The following ARMC2 variants were observed in gnomAD, a reference collection of about 807,000 sequenced individuals.
ARMC2 encodes armadillo repeat containing 2, also known as armadillo repeat-containing protein 2.
In ARMC2, 67 loss-of-function variants were observed where a neutral mutation model predicts 90.3. The ratio of observed to expected loss-of-function variants is 0.74; its 90% confidence interval spans 0.61 to 0.91. The LOEUF is 0.91. Ranked by LOEUF, ARMC2 falls within the 40% of genes least tolerant of loss-of-function variation. The pLI, the probability that ARMC2 is intolerant of heterozygous loss-of-function variation, is 0.00. For synonymous variants in ARMC2, 393 were observed against 393.0 expected, an observed-to-expected ratio of 1.00 and a Z score of 0.00; for missense variants, 920 against 1,030.9, an observed-to-expected ratio of 0.89 and a Z score of 1.47.
In ARMC2 at chr6:108,912,372, A is replaced by G. The variant is rs776137771; in HGVS notation, c.1164A>G (p.Gln388=). 70 of 1,611,470 alleles carry G rather than the reference A, an allele frequency of 4.3e-5. No individual in the cohort carries two copies. Among genetic ancestry groups the G allele is most frequent in the Admixed American group, 1.0e-4 (6 of 59,634 alleles). The part of the protein sequence containing the change: ...LLEVLRSEDL[Q]TNMEAFLYCM... ...AGGTACTAAGAAGTGAAGACCTGCAAACTAACATGGAAGCTTTTTTATACT... is the reference window on the plus strand; with the variant it reads ...AGGTACTAAGAAGTGAAGACCTGCAGACTAACATGGAAGCTTTTTTATACT... Residue 388 remains glutamine, a synonymous_variant, in exon 10 of 18, where the codon CAA becomes CAG. Coordinates refer to ENST00000392644, the MANE Select transcript of ARMC2 (RefSeq NM_032131.6).
At chr6:108,948,529 G>T (rs1479851566) in intron 12 of ARMC2, among the ~76,000 whole-genome samples, 1 of 150,984 alleles carries the variant, frequency 6.6e-6, no homozygotes, top group Non-Finnish European at 1.5e-5. Flanking sequence ...TGGTGCTGCA[G>T]ACGGCGCAAT....
At chr6:108,866,950 T>C (rs1056632296) in intron 3 of ARMC2, among the ~76,000 whole-genome samples, 1 of 152,104 alleles carries the variant, frequency 6.6e-6, no homozygotes, top group African/African-American at 2.4e-5. Context: ...GTTCTATTCA[T>C]GTATGTGGGA....
chr6:108,946,997 G>A (rs567716087), intron 12 of ARMC2, among the ~76,000 whole-genome samples: 2 of 152,184 alleles, frequency 1.3e-5, no homozygotes, highest in Non-Finnish European at 2.9e-5. Context: ...TTAGATGCTG[G>A]CTTTGACATT....
chr6:109,013,520 A>C, the ARMC2 span, among the ~76,000 whole-genome samples: 134 of 152,326 alleles, frequency 8.8e-4, no homozygotes, highest in Non-Finnish European at 1.5e-3. Context: ...TAAAAAGTAT[A>C]ATCAATTCAT....
rs201018556 is a variant in ARMC2 at position 108,886,761 on chromosome 6, CA to C, written c.672-7703del. 9.7e-3 allele frequency among the ~76,000 whole-genome samples: 1,474 copies of C among 152,180 alleles called. 18 individuals carry two copies. Among genetic ancestry groups the C allele is most frequent in the African/African-American group, 0.031 (1,294 of 41,490 alleles). ...TACCTGGATTTTCCCACTTGGCCCA[CA>C]AAGTGTGCAATATATATTATCTAGC... On this transcript the variant is annotated intron_variant, in intron 5 of 17. Transcript: ENST00000392644.
the ARMC2 span, among the ~76,000 whole-genome samples, chr6:109,020,923 A>G: frequency 2.6e-5 from 4 of 152,184 alleles, no homozygotes; most frequent in African/African-American, 4.8e-5. Context: ...GTAGTTCCCT[A>G]AAAAAGGAAT....
intron 8 of ARMC2, among the ~76,000 whole-genome samples, chr6:108,906,914 AAAAT>A (rs1318159876): frequency 6.6e-6 from 1 of 152,248 alleles, no homozygotes; most frequent in Non-Finnish European, 1.5e-5. Context: ...CTAAGGGAGA[AAAAT>A]AAAGCAGAGC....
At chr6:108,929,203 C>T (rs1430008758) in intron 11 of ARMC2, among the ~76,000 whole-genome samples, 5 of 151,962 alleles carry the variant, frequency 3.3e-5, no homozygotes, top group Non-Finnish European at 5.9e-5. Flanking sequence ...CTAATTACTA[C>T]CTATCTAATG....
At chr6:108,974,639 CCTCAT>C (rs1459867181), downstream of ARMC2, among the ~76,000 whole-genome samples, 2 of 151,754 alleles carry the variant, frequency 1.3e-5, no homozygotes, top group East Asian at 3.9e-4. Flanking sequence ...CAAAGTGAGA[CCTCAT>C]CTCAACAACA....
At chr6:108,985,908 T>C in the ARMC2 span, among the ~76,000 whole-genome samples, 2 of 152,206 alleles carry the variant, frequency 1.3e-5, no homozygotes, top group African/African-American at 4.8e-5. Context: ...ACTCTATTCC[T>C]AGCTAAGGTT....
the ARMC2 span, among the ~76,000 whole-genome samples, chr6:109,025,303 C>A: frequency 6.6e-6 from 1 of 151,842 alleles, no homozygotes; most frequent in African/African-American, 2.4e-5. Flanking sequence ...TCCCTTATTA[C>A]CTACCTGCTC....
chr6:108,859,710 T>G (rs1775014110), intron 3 of ARMC2, among the ~76,000 whole-genome samples: 2 of 152,176 alleles, frequency 1.3e-5, no homozygotes, highest in African/African-American at 4.8e-5. Flanking sequence ...ATTATTCAGA[T>G]GTAGGACTTC....
intron 8 of ARMC2, among the ~76,000 whole-genome samples, chr6:108,908,137 C>CT (rs1349291408): frequency 2.6e-5 from 3 of 117,170 alleles, no homozygotes; most frequent in Admixed American, 1.7e-4. Flanking sequence ...GTCGGTAGTG[C>CT]TGGGGGGGGC....
chr6:108,985,291 CA>C, the ARMC2 span, among the ~76,000 whole-genome samples: 15,245 of 152,100 alleles, frequency 0.1, 901 homozygotes, highest in Middle Eastern at 0.19. Context: ...CAAAACAACT[CA>C]AGATTTTAAC....
the ARMC2 span, among the ~76,000 whole-genome samples, chr6:109,006,456 A>ACCC: frequency 1.5e-5 from 1 of 68,732 alleles, no homozygotes; most frequent in Admixed American, 1.9e-4. Context: ...CCCACCCCCT[A>ACCC]CCCCACGACA....
intron 5 of ARMC2, among the ~76,000 whole-genome samples, chr6:108,877,564 A>G (rs771928892): frequency 2.6e-5 from 4 of 152,338 alleles, no homozygotes; most frequent in Middle Eastern, 3.4e-3. Flanking sequence ...AATCGTTTCC[A>G]GTTGGTGAAT....
chr6:109,038,301 T>C, the ARMC2 span, among the ~76,000 whole-genome samples: 116 of 152,346 alleles, frequency 7.6e-4, no homozygotes, highest in African/African-American at 2.8e-3. Flanking sequence ...AAGACCAGCC[T>C]GGCCAACATA....
the ARMC2 span, among the ~76,000 whole-genome samples, chr6:108,992,559 C>T: frequency 3.3e-5 from 5 of 152,222 alleles, no homozygotes. Flanking sequence ...TAAATACTTA[C>T]ATATTTAAAT....
At chr6:108,906,618 A>C (rs1307958827) in intron 8 of ARMC2, among the ~76,000 whole-genome samples, 3 of 152,054 alleles carry the variant, frequency 2.0e-5, no homozygotes, top group Non-Finnish European at 4.4e-5. Flanking sequence ...GGAGCTTAGG[A>C]CCACAGGCAT....
Sources: allele counts gnomAD v4.1 joint callset (sites outside exome capture counted in the v4.1 genomes callset), GRCh38; gene constraint gnomAD v4.1.1; transcripts MANE v1.5; gene names NCBI Gene and HGNC (gene_info 2026-07-23, HGNC 2026-07-21).